Variants in LCA5 observed in about 807,000 individuals in gnomAD.
LCA5 encodes the protein lebercilin.
In LCA5, 37 loss-of-function variants were observed where a neutral mutation model predicts 53.0. The ratio of observed to expected loss-of-function variants is 0.70; its 90% CI spans 0.54 to 0.92. The LOEUF is 0.92. Ranked by LOEUF, LCA5 falls within the 40% of genes least tolerant of loss-of-function variation. The pLI, the probability that LCA5 is intolerant of heterozygous loss-of-function variation, is 0.00. For synonymous variants in LCA5, 303 were observed against 282.9 expected (o/e 1.07, Z -0.71); for missense variants, 806 against 790.5 (o/e 1.02, Z -0.23).
At chr6:79,507,696 C>T (rs542952456) in intron 3 of LCA5, among the ~76,000 whole-genome samples, 3 of 152,250 alleles carry the variant, frequency 2.0e-5, no homozygotes, top group East Asian at 3.9e-4. Context: ...CTGTGAGGAA[C>T]ATCTGAGTCC....
chr6:79,532,837 T>C (rs1407692104), intron 1 of LCA5, among the ~76,000 whole-genome samples: 1 of 152,174 alleles, frequency 6.6e-6, no homozygotes, highest in African/African-American at 2.4e-5. Context: ...CTCTTGTCTG[T>C]TTAGTTCACC....
At chr6:79,491,839 T>A in intron 5 of LCA5, 109 bp from the exon 6 acceptor site, 2 of 853,666 alleles carry the variant, frequency 2.3e-6, no homozygotes, top group African/African-American at 1.7e-5. Context: ...CATATACATG[T>A]ACATTTATAT....
At chr6:79,490,642 C>T (rs572451788) in intron 6 of LCA5, among the ~76,000 whole-genome samples, 81 of 151,990 alleles carry the variant, frequency 5.3e-4, no homozygotes, top group African/African-American at 1.8e-3. Flanking sequence ...CACAACTTAG[C>T]GGATACAACT....
At chr6:79,537,700 G>A (rs1767198633), upstream of LCA5, among the ~76,000 whole-genome samples, 2 of 152,140 alleles carry the variant, frequency 1.3e-5, no homozygotes, top group African/African-American at 4.8e-5. Context: ...GAGGGACGCG[G>A]GCGGAGGGCA....
intron 1 of LCA5, among the ~76,000 whole-genome samples, chr6:79,520,658 T>C (rs967483519): frequency 2.6e-5 from 4 of 152,320 alleles, no homozygotes; most frequent in East Asian, 1.9e-4. Context: ...TGTAGCACTA[T>C]TGTAAGTAGA....
chr6:79,515,601 T>C (rs1238557200), intron 2 of LCA5, among the ~76,000 whole-genome samples: 1 of 152,078 alleles, frequency 6.6e-6, no homozygotes, highest in Non-Finnish European at 1.5e-5. Flanking sequence ...ATCTACATGG[T>C]AACTGCATTT....
chr6:79,502,116 G>GAA (rs922866743), intron 3 of LCA5, among the ~76,000 whole-genome samples: 1 of 152,016 alleles, frequency 6.6e-6, no homozygotes, highest in Non-Finnish European at 1.5e-5. Context: ...GTTTACCTCG[G>GAA]AAAACACTGG....
At chr6:79,490,941 AC>A (rs1469644660) in intron 6 of LCA5, among the ~76,000 whole-genome samples, 5 of 151,716 alleles carry the variant, frequency 3.3e-5, no homozygotes, top group Non-Finnish European at 5.9e-5. Context: ...TCCAACAGAG[AC>A]CCCTTGAATT....
intron 1 of LCA5, among the ~76,000 whole-genome samples, chr6:79,531,317 C>T (rs1335698503): frequency 1.3e-5 from 2 of 152,136 alleles, no homozygotes; most frequent in African/African-American, 2.4e-5. Context: ...TCCCATACTA[C>T]CTCTCAATGT....
intron 3 of LCA5, among the ~76,000 whole-genome samples, chr6:79,502,194 C>T (rs1770159107): frequency 6.6e-6 from 1 of 152,128 alleles, no homozygotes; most frequent in African/African-American, 2.4e-5. Context: ...ATGAGAAAAG[C>T]TCTGGAATCA....
intron 1 of LCA5, among the ~76,000 whole-genome samples, chr6:79,536,252 G>C (rs1767115740): frequency 6.6e-6 from 1 of 152,068 alleles, no homozygotes; most frequent in South Asian, 2.1e-4. Context: ...AAGAAAGAGG[G>C]AATGAGTAAA....
chr6:79,512,476 G>A lies in LCA5; in HGVS notation c.720+736C>T, dbSNP rs79908309. The stretch of plus-strand genomic sequence containing the variant: ...ATTAAAAACATCTGATTAATATACT[G>A]CAGAAACCTAATTTATTTGTAGTTC... On this transcript the variant is annotated intron_variant, in intron 3 of 7. Transcript: ENST00000369846. 9.5e-4 allele frequency among the ~76,000 whole-genome samples: 144 copies of A among 152,216 alleles called. 2 individuals carry two copies. The highest frequency in any genetic ancestry group is 3.4e-3 in the African/African-American group (140 of 41,546).
chr6:79,525,480 G>C (rs1476030133), intron 1 of LCA5, among the ~76,000 whole-genome samples: 3 of 152,122 alleles, frequency 2.0e-5, no homozygotes, highest in Admixed American at 6.5e-5. Flanking sequence ...CACCCTCCTA[G>C]GCAAAAAGTC....
At chr6:79,495,732 C>G (rs1001352143) in intron 3 of LCA5, among the ~76,000 whole-genome samples, 2 of 134,114 alleles carry the variant, frequency 1.5e-5, no homozygotes, top group Admixed American at 1.8e-4. Flanking sequence ...GCCTGGGTGA[C>G]AGAGCAAGAC....
At chr6:79,534,651 GAGA>G (rs774104577) in intron 1 of LCA5, among the ~76,000 whole-genome samples, 3 of 152,110 alleles carry the variant, frequency 2.0e-5, no homozygotes, top group African/African-American at 7.2e-5. Flanking sequence ...GAGGGAGTTT[GAGA>G]AGGTTTCTAG....
intron 3 of LCA5, among the ~76,000 whole-genome samples, chr6:79,505,495 T>C (rs913628039): frequency 3.3e-5 from 5 of 152,158 alleles, no homozygotes; most frequent in African/African-American, 9.7e-5. Context: ...TTTTTGCATA[T>C]GAAAGGTTTG....
chr6:79,486,422 T>C lies in LCA5; in HGVS notation c.*582A>G, dbSNP rs1769656231. Reference sequence around the variant, plus strand: ...GTAAATACTGAAATTGGGAAATGAGTAGTGTTTAGCTGTGGGTACTTTCAG... The same window carrying C: ...GTAAATACTGAAATTGGGAAATGAGCAGTGTTTAGCTGTGGGTACTTTCAG... On this transcript the variant is annotated 3_prime_UTR_variant, in exon 8 of 8. Transcript: ENST00000369846. The C allele has an allele frequency of 6.6e-6, 1 of 152,212 alleles. No homozygotes were observed. The highest frequency in any genetic ancestry group is 2.1e-4 in the South Asian group (1 of 4,842). 9.4% of individuals were successfully genotyped at this position (152,212 alleles called of 1,614,324 possible). A position where few individuals can be genotyped will look rare whatever the true frequency, so the allele number is the denominator to read the frequency against.
intron 3 of LCA5, among the ~76,000 whole-genome samples, chr6:79,508,402 C>T (rs185058950): frequency 7.9e-4 from 120 of 152,236 alleles, no homozygotes; most frequent in Non-Finnish European, 1.4e-3. Context: ...ACCCAACTTA[C>T]AGGCTGATGT....
chr6:79,488,196 C>T (rs182373382), intron 7 of LCA5: 1 of 215,948 alleles, frequency 4.6e-6, no homozygotes, highest in African/African-American at 2.3e-5. Flanking sequence ...AGACTCTACA[C>T]TTAAAAATAA....
Sources: gnomAD v4.1 joint callset for allele counts (sites outside exome capture counted in the v4.1 genomes callset) on GRCh38, gnomAD v4.1.1 for gene constraint, MANE v1.5 for transcripts, NCBI Gene and HGNC (gene_info 2026-07-23, HGNC 2026-07-21) for gene names.